Variants in CFDP1 observed in about 807,000 individuals in gnomAD.
The protein encoded by CFDP1 is chromatin remodeling protein CFDP1, also known as heterochromatin-stabilizing protein CFDP1.
In CFDP1, 31 loss-of-function variants were observed where a neutral mutation model predicts 40.1. The observed-to-expected ratio is 0.77, with a 90% CI of 0.58 to 1.04. CFDP1 has a LOEUF of 1.04. Ranked by LOEUF, CFDP1 falls within the 50% of genes least tolerant of loss-of-function variation. The pLI is 0.00. For missense variants in CFDP1, 423 were observed against 343.4 expected (o/e 1.23, Z -1.83); for synonymous variants, 167 against 120.0 (o/e 1.39, Z -2.56).
intron 5 of CFDP1, among the ~76,000 whole-genome samples, chr16:75,334,050 A>T (rs1707184587): frequency 6.6e-6 from 1 of 152,070 alleles, no homozygotes; most frequent in Non-Finnish European, 1.5e-5. Flanking sequence ...AGAGGCTGTG[A>T]GCATTATTAA....
chr16:75,401,491 T>C (rs2079053311), intron 4 of CFDP1, among the ~76,000 whole-genome samples: 1 of 150,976 alleles, frequency 6.6e-6, no homozygotes, highest in African/African-American at 2.4e-5. Flanking sequence ...TCCCAGCTGC[T>C]TGGGAGACTG....
At chr16:75,433,257 A>G (rs2079447752) in intron 1 of CFDP1, 32 bp downstream of exon 1, 1 of 1,573,194 alleles carries the variant, frequency 6.4e-7, no homozygotes, top group Non-Finnish European at 8.6e-7. Flanking sequence ...GGGCGGGGCA[A>G]TTCGCTTCTC....
At chr16:75,317,279 C>G (rs1208954380) in intron 5 of CFDP1, among the ~76,000 whole-genome samples, 1 of 152,252 alleles carries the variant, frequency 6.6e-6, no homozygotes, top group Non-Finnish European at 1.5e-5. Context: ...ATTTCCCTTC[C>G]CCTTTGTCCA....
chr16:75,363,955 A>ACACG (rs1242555004), intron 5 of CFDP1, among the ~76,000 whole-genome samples: 1 of 151,560 alleles, frequency 6.6e-6, no homozygotes, highest in East Asian at 1.9e-4. Context: ...ACACACACAC[A>ACACG]CACACACACA....
At chr16:75,398,136 A>G (rs932692915) in intron 4 of CFDP1, among the ~76,000 whole-genome samples, 3 of 152,258 alleles carry the variant, frequency 2.0e-5, no homozygotes, top group African/African-American at 7.2e-5. Context: ...GCAAAAGGCA[A>G]CAAGTAAATG....
At chr16:75,428,612 A>G (rs11644284) in intron 1 of CFDP1, among the ~76,000 whole-genome samples, 150,051 of 150,856 alleles carry the variant, frequency 0.99, 74,627 homozygotes, top group Middle Eastern at 1. Flanking sequence ...GCTATACTCC[A>G]TCTCAAAAAT....
chr16:75,361,644 C>T (rs1029097326), intron 5 of CFDP1, among the ~76,000 whole-genome samples: 2 of 151,842 alleles, frequency 1.3e-5, no homozygotes, highest in African/African-American at 4.8e-5. Flanking sequence ...CAAAAAGACA[C>T]ACAAATCAAC....
chr16:75,312,108 C>T (rs2078296577), intron 5 of CFDP1, among the ~76,000 whole-genome samples: 1 of 152,148 alleles, frequency 6.6e-6, no homozygotes, highest in African/African-American at 2.4e-5. Context: ...AAAAGTACAA[C>T]TCAAATCCCT....
At chr16:75,415,761 G>A (rs1039453939) in intron 1 of CFDP1, among the ~76,000 whole-genome samples, 10 of 152,118 alleles carry the variant, frequency 6.6e-5, no homozygotes, top group African/African-American at 9.7e-5. Context: ...ACCATAATCC[G>A]TTTATTCATT....
chr16:75,351,834 C>A (rs1344080180), intron 5 of CFDP1, among the ~76,000 whole-genome samples: 1 of 149,880 alleles, frequency 6.7e-6, no homozygotes, highest in Non-Finnish European at 1.5e-5. Context: ...ATAGTGAAAC[C>A]CCGTCCCTAT....
intron 5 of CFDP1, among the ~76,000 whole-genome samples, chr16:75,355,333 T>G (rs960522543): frequency 2.0e-5 from 3 of 152,210 alleles, no homozygotes; most frequent in Admixed American, 6.5e-5. Context: ...TTGATAGCAT[T>G]TTACCCAGAG....
intron 5 of CFDP1, among the ~76,000 whole-genome samples, chr16:75,394,121 A>T (rs2078976833): frequency 6.6e-6 from 1 of 152,166 alleles, no homozygotes; most frequent in Non-Finnish European, 1.5e-5. Context: ...GGAGGGAAGG[A>T]AGAGGGGACA....
At chr16:75,369,711 C>A (rs761534677) in intron 5 of CFDP1, among the ~76,000 whole-genome samples, 50 of 152,340 alleles carry the variant, frequency 3.3e-4, no homozygotes, top group Middle Eastern at 6.8e-3. Flanking sequence ...AGTTTCCAAA[C>A]TGGCCTCCTT....
At chr16:75,302,394 G>T (rs1182245846) in intron 6 of CFDP1, among the ~76,000 whole-genome samples, 2 of 152,118 alleles carry the variant, frequency 1.3e-5, no homozygotes, top group African/African-American at 2.4e-5. Context: ...CCAAGTAACT[G>T]GGACTACAGG....
At chr16:75,397,384 G>A (rs1194966617) in intron 4 of CFDP1, among the ~76,000 whole-genome samples, 1 of 151,242 alleles carries the variant, frequency 6.6e-6, no homozygotes, top group East Asian at 2.0e-4. Context: ...GTGTGGTGGT[G>A]CATGCCTGTA....
chr16:75,421,814 T>C (rs1015696500), intron 1 of CFDP1, among the ~76,000 whole-genome samples: 3 of 152,086 alleles, frequency 2.0e-5, no homozygotes, highest in African/African-American at 7.2e-5. Flanking sequence ...AATACGGCTG[T>C]CCCTCCATAT....
intron 5 of CFDP1, among the ~76,000 whole-genome samples, chr16:75,370,026 G>A (rs1597359731): frequency 6.6e-6 from 1 of 151,916 alleles, no homozygotes; most frequent in African/African-American, 2.4e-5. Flanking sequence ...TGCCCACCTC[G>A]GCTCTCAAAG....
intron 5 of CFDP1, among the ~76,000 whole-genome samples, chr16:75,347,343 C>CAA (rs762900031): frequency 1.3e-4 from 12 of 91,618 alleles, no homozygotes; most frequent in East Asian, 4.1e-4. Context: ...GACTCCATCT[C>CAA]AAAAAAAAAA....
intron 4 of CFDP1, among the ~76,000 whole-genome samples, chr16:75,398,784 GGT>G (rs1567671935): frequency 2.0e-5 from 3 of 151,798 alleles, no homozygotes; most frequent in African/African-American, 7.3e-5. Context: ...GGCTGGGCGT[GGT>G]GGTCATGCCT....
Sources: allele counts gnomAD v4.1 joint callset (sites outside exome capture counted in the v4.1 genomes callset), GRCh38; gene constraint gnomAD v4.1.1; transcripts MANE v1.5; gene names NCBI Gene and HGNC (gene_info 2026-07-23, HGNC 2026-07-21).